KDM6A: variants seen among roughly 807,000 people sequenced by gnomAD.
KDM6A encodes lysine demethylase 6A.
In KDM6A, 11 loss-of-function variants were observed where a neutral mutation model predicts 117.6. The observed-to-expected ratio is 0.09, with a 90% CI of 0.06 to 0.15. The LOEUF is 0.15. KDM6A is among the 10% of genes least tolerant of loss of function. The pLI is 1.00. For missense variants in KDM6A, 799 were observed against 1,077.3 expected (o/e 0.74, Z 3.62); for synonymous variants, 384 against 396.1 (o/e 0.97, Z 0.36).
In KDM6A at chrX:45,111,367, T is replaced by C; in HGVS notation, c.4333-15T>C. The C allele has an allele frequency of 8.5e-7, 1 of 1,177,295 alleles. No individual in the cohort carries two copies. The highest frequency in any genetic ancestry group is 2.2e-5 in the Admixed American group (1 of 45,921). Reference sequence around the variant, plus strand: ...ATTTGTATATCAAAATAACCTACCTTACTTTTATTTTCAGGCTCCTCCATT... The same window carrying C: ...ATTTGTATATCAAAATAACCTACCTCACTTTTATTTTCAGGCTCCTCCATT... On this transcript the variant is annotated splice_polypyrimidine_tract_variant and intron_variant, in intron 29 of 29. Transcript: ENST00000611820.
intron 10 of KDM6A, among the ~76,000 whole-genome samples, chrX:45,054,864 C>G (rs981215486): frequency 5.4e-5 from 6 of 111,555 alleles, no homozygotes; most frequent in Admixed American, 1.9e-4. Context: ...GCCACTCTTG[C>G]CCCGGCCAAG....
At chrX:45,072,486 A>G (rs966639038) in intron 18 of KDM6A, among the ~76,000 whole-genome samples, 1 of 110,555 alleles carries the variant, frequency 9.0e-6, no homozygotes, top group Non-Finnish European at 1.9e-5. Context: ...GCCTACAGAA[A>G]ATAGGGAGTG....
intron 2 of KDM6A, among the ~76,000 whole-genome samples, chrX:44,955,174 C>T (rs2038255841): frequency 9.0e-6 from 1 of 111,479 alleles, no homozygotes; most frequent in African/African-American, 3.3e-5. Flanking sequence ...TATTCCCTCC[C>T]CACCCCTGCT....
intron 5 of KDM6A, among the ~76,000 whole-genome samples, chrX:45,019,302 TG>T (rs1199087409): frequency 9.0e-6 from 1 of 111,188 alleles, no homozygotes; most frequent in Non-Finnish European, 1.9e-5. Flanking sequence ...ACCTAACAGA[TG>T]GATACCCAGC....
At chrX:44,894,621 A>AT (rs574868704) in intron 2 of KDM6A, among the ~76,000 whole-genome samples, 16,604 of 99,894 alleles carry the variant, frequency 0.17, 1,553 homozygotes, top group Admixed American at 0.35. Context: ...TAATTAATTA[A>AT]TTTTTTTTTT....
chrX:44,912,033 AGAGAGGGGGAGAGGGG>A (rs759477823), intron 2 of KDM6A, among the ~76,000 whole-genome samples: 1 of 86,158 alleles, frequency 1.2e-5, no homozygotes, highest in Admixed American at 1.3e-4. Context: ...AGGGAGAGGG[AGAGAGGGGGAGAGGGG>A]GAGAGGGGGA....
chrX:45,029,874 A>G (rs1258177471), intron 6 of KDM6A, among the ~76,000 whole-genome samples: 5 of 111,341 alleles, frequency 4.5e-5, no homozygotes, highest in African/African-American at 1.6e-4. Flanking sequence ...ATACTTTTGT[A>G]AAGTATGATA....
intron 8 of KDM6A, among the ~76,000 whole-genome samples, chrX:45,049,474 T>C (rs1164559254): frequency 1.8e-5 from 2 of 112,384 alleles, no homozygotes; most frequent in Non-Finnish European, 3.8e-5. Context: ...AGGTCTTTAA[T>C]GCAGTTGCTG....
At chrX:44,995,888 G>A (rs781480582) in intron 4 of KDM6A, among the ~76,000 whole-genome samples, 8 of 111,483 alleles carry the variant, frequency 7.2e-5, no homozygotes, top group Admixed American at 2.8e-4. Flanking sequence ...GCATTGCCCC[G>A]TTGTCACAAA....
chrX:45,082,961 T>C (rs1269370468), intron 23 of KDM6A, among the ~76,000 whole-genome samples, 172 bp downstream of exon 23: 3 of 111,020 alleles, frequency 2.7e-5, no homozygotes, highest in Non-Finnish European at 5.7e-5. Flanking sequence ...TTTTAAAATT[T>C]TTTTTTAAAA....
At chrX:44,980,473 A>T (rs181079784) in intron 4 of KDM6A, among the ~76,000 whole-genome samples, 50 of 110,082 alleles carry the variant, frequency 4.5e-4, no homozygotes, top group African/African-American at 1.5e-3. Context: ...CTTGTTCGTG[A>T]ACATGGCGTA....
At chrX:45,047,473 CT>C (rs748480986) in intron 8 of KDM6A, among the ~76,000 whole-genome samples, 191 of 93,030 alleles carry the variant, frequency 2.1e-3, no homozygotes, top group South Asian at 4.3e-3. Flanking sequence ...GCATTGATTT[CT>C]TTTTTTTTTT....
chrX:44,984,569 A>T (rs2040097187), intron 4 of KDM6A, among the ~76,000 whole-genome samples: 1 of 111,706 alleles, frequency 9.0e-6, no homozygotes, highest in Non-Finnish European at 1.9e-5. Context: ...TCTTTAATCC[A>T]TCTTGAATTA....
At chrX:45,078,733 G>A (rs1010167705) in intron 20 of KDM6A, among the ~76,000 whole-genome samples, 3 of 109,829 alleles carry the variant, frequency 2.7e-5, no homozygotes, top group African/African-American at 1.0e-4. Context: ...TGACAATTTG[G>A]TGGAGGTTTT....
rs1240449750 is a variant in KDM6A, at chrX:45,041,492, AGACGGGGTGGCTGCCG to A, written c.654+3809_654+3824del. Among the ~76,000 whole-genome samples, 755 of 104,727 alleles carry A rather than the reference AGACGGGGTGGCTGCCG, an allele frequency of 7.2e-3. 10 individuals are homozygous for A. Among genetic ancestry groups the A allele is most frequent in the African/African-American group, 0.026 (721 of 27,999 alleles). 90.9% of individuals were successfully genotyped at this position (104,727 alleles called of 115,157 possible). A position where few individuals can be genotyped will look rare whatever the true frequency, so the allele number is the denominator to read the frequency against. On this transcript the variant is annotated intron_variant, in intron 8 of 29. Transcript: ENST00000611820. ...CGGGCGGAGACGCTCCTCACTTCCC[AGACGGGGTGGCTGCCG>A]GACGGAGGGGCTCCTCACTTCTCAG...
chrX:44,963,483 G>GTGTGTCTGTC lies in KDM6A; in HGVS notation c.334+2094_334+2095insGTCTGTCTGT, dbSNP rs1481840859. On this transcript the variant is annotated intron_variant, in intron 3 of 29. Coordinates refer to ENST00000611820, the MANE Select transcript of KDM6A (RefSeq NM_001291415.2). ...TGTGTGTGTGTGTGTGTGTGTGTGT[G>GTGTGTCTGTC]TGTCTGTCTGTCTGTCTCTGTCTGT... Among the ~76,000 whole-genome samples, 161 of 40,877 alleles carry GTGTGTCTGTC rather than the reference G, an allele frequency of 3.9e-3. 2 individuals are homozygous for GTGTGTCTGTC. The highest frequency in any genetic ancestry group is 0.014 in the South Asian group (8 of 558). 35.5% of individuals were successfully genotyped at this position (40,877 alleles called of 115,157 possible). A position where few individuals can be genotyped will look rare whatever the true frequency, so the allele number is the denominator to read the frequency against.
At chrX:45,080,639 A>G (rs1381262588) in intron 21 of KDM6A, among the ~76,000 whole-genome samples, 1 of 111,871 alleles carries the variant, frequency 8.9e-6, no homozygotes, top group Non-Finnish European at 1.9e-5. Flanking sequence ...TGTAAATTGT[A>G]TATTTGTCTT....
chrX:44,891,320 G>A (rs2033341534), intron 2 of KDM6A, among the ~76,000 whole-genome samples: 1 of 111,037 alleles, frequency 9.0e-6, no homozygotes, highest in African/African-American at 3.3e-5. Flanking sequence ...CAGGTGTGAG[G>A]TTGAAGTTGA....
In KDM6A at chrX:45,050,012, G is replaced by A. The variant is rs190076460; in HGVS notation, c.655-1697G>A. ...TTTAGACCAGATGAGTGTTTTGGGG[G>A]AACTAGTTTAGCTGATAAGTAAAAG... On this transcript the variant is annotated intron_variant, in intron 8 of 29. Coordinates refer to ENST00000611820, the MANE Select transcript of KDM6A (RefSeq NM_001291415.2). 5.7e-3 allele frequency among the ~76,000 whole-genome samples: 644 copies of A among 112,656 alleles called. 3 individuals carry two copies. The highest frequency in any genetic ancestry group is 0.019 in the African/African-American group (604 of 31,019).
Sources: allele counts gnomAD v4.1 joint callset (sites outside exome capture counted in the v4.1 genomes callset), GRCh38; gene constraint gnomAD v4.1.1; transcripts MANE v1.5; gene names NCBI Gene and HGNC (gene_info 2026-07-23, HGNC 2026-07-21).